Variants in CADPS observed in about 807,000 individuals in gnomAD.
The protein encoded by CADPS is calcium-dependent secretion activator 1.
In CADPS, 57 loss-of-function variants were observed where a neutral mutation model predicts 167.3. The observed-to-expected ratio is 0.34, with a 90% CI of 0.28 to 0.42. The LOEUF is 0.42. Ranked by LOEUF, CADPS falls within the 20% of genes least tolerant of loss-of-function variation. CADPS has a pLI of 1.00. For missense variants in CADPS, 1,414 were observed against 1,738.1 expected, an observed-to-expected ratio of 0.81 and a Z score of 3.32; for synonymous variants, 676 against 635.3, an observed-to-expected ratio of 1.06 and a Z score of -0.96.
Position 62,520,622 on chromosome 3 carries a change from C to T in CADPS, c.2292-2372G>A, listed in dbSNP as rs567099269. ...CTAACTTTACTAAGTCTGTAAGGTA[C>T]AAGTACAGAGTTCACCAATAAAAAC... On this transcript the variant is annotated intron_variant, in intron 13 of 29. Transcript: ENST00000383710. 2.0e-5 allele frequency among the ~76,000 whole-genome samples: 3 copies of T among 152,252 alleles called. No homozygotes were observed. The South Asian group carries it at 6.2e-4, about 32-fold the overall frequency.
intron 3 of CADPS, among the ~76,000 whole-genome samples, chr3:62,740,648 T>C (rs184566212): frequency 6.6e-6 from 1 of 152,304 alleles, no homozygotes; most frequent in Admixed American, 6.5e-5. Context: ...CATTGTTATC[T>C]GATAGCTCTA....
chr3:62,833,538 T>G (rs1198409360), intron 1 of CADPS, among the ~76,000 whole-genome samples: 2 of 152,084 alleles, frequency 1.3e-5, no homozygotes. Context: ...TTATGGCTAC[T>G]GGTACCTTTT....
At position 62,399,073 on chromosome 3, in the gene CADPS, C is replaced by T; in HGVS notation, c.*333G>A. 1 of 185,080 alleles carries T rather than the reference C, an allele frequency of 5.4e-6. No individual in the cohort carries two copies. The highest frequency in any genetic ancestry group is 1.1e-5 in the Non-Finnish European group (1 of 88,882). The allele number at this position is 185,080 out of a possible 1,614,324, so 11.5% of individuals were successfully genotyped here. ...TGTACTTGCCCTCACATCCATTTACCACCAATGCATACATAGTACATGAAT... is the reference window on the plus strand; with the variant it reads ...TGTACTTGCCCTCACATCCATTTACTACCAATGCATACATAGTACATGAAT... On this transcript the variant is annotated 3_prime_UTR_variant, in exon 30 of 30. Coordinates refer to ENST00000383710, the MANE Select transcript of CADPS (RefSeq NM_003716.4). This position sits in a 1 kb window ranked among gnomAD's most constrained non-coding sequence, Gnocchi z 5.6.
intron 11 of CADPS, among the ~76,000 whole-genome samples, chr3:62,541,252 G>A (rs905532486): frequency 3.3e-5 from 5 of 152,142 alleles, no homozygotes; most frequent in Non-Finnish European, 7.4e-5. Flanking sequence ...TGGTCTTCAA[G>A]GGCTCCAGAT....
chr3:62,745,352 C>T lies in CADPS; in HGVS notation c.888+8089G>A, dbSNP rs962232753. Among the ~76,000 whole-genome samples the T allele has an allele frequency of 3.3e-5, 5 of 152,266 alleles. No homozygotes were observed. The East Asian group carries it at 7.7e-4, about 23-fold the overall frequency. ...GCTCCCAAAGTGCTGGCATTACAGACGTGAGCCACTACATCTGGCCAGTAT... is the reference window on the plus strand; with the variant it reads ...GCTCCCAAAGTGCTGGCATTACAGATGTGAGCCACTACATCTGGCCAGTAT... On this transcript the variant is annotated intron_variant, in intron 3 of 29. Transcript: ENST00000383710.
chr3:62,415,793 G>C (rs765500760), intron 28 of CADPS, among the ~76,000 whole-genome samples: 2 of 152,170 alleles, frequency 1.3e-5, no homozygotes, highest in East Asian at 1.9e-4. Flanking sequence ...CAATAGGCAC[G>C]GAGTGATTAT....
Position 62,550,078 on chromosome 3 carries a change from C to A in CADPS, c.1791G>T (p.Lys597Asn). Residue 597 changes from lysine to asparagine, a missense_variant, in exon 11 of 30, where the codon AAG (lysine) becomes AAT (asparagine). Physicochemically the swap from Lys to Asn is moderately conservative, Grantham distance 94. This residue lies in a region of CADPS where 157 missense variants were observed against 229.4 expected (regional missense o/e 0.68). Coordinates refer to ENST00000383710, the MANE Select transcript of CADPS (RefSeq NM_003716.4). ...TGGCAAATATCACGGTGTCTCCCTCCTTGACAGCATTGAAGAAGGCTCGGC... is the reference window on the plus strand; with the variant it reads ...TGGCAAATATCACGGTGTCTCCCTCATTGACAGCATTGAAGAAGGCTCGGC... ...EGGRAFFNAV[K>N]EGDTVIFASD... 6.2e-7 allele frequency: 1 copy of A among 1,614,066 alleles called. No individual in the cohort carries two copies. Among genetic ancestry groups the A allele is most frequent in the African/African-American group, 1.3e-5 (1 of 75,028 alleles).
intron 6 of CADPS, among the ~76,000 whole-genome samples, chr3:62,636,145 A>C (rs1311387330): frequency 6.6e-6 from 1 of 152,178 alleles, no homozygotes; most frequent in Non-Finnish European, 1.5e-5. Flanking sequence ...GCATATGTTA[A>C]ATTTGAAATG....
chr3:62,694,020 C>T (rs1316067014), intron 3 of CADPS, among the ~76,000 whole-genome samples: 8 of 151,942 alleles, frequency 5.3e-5, no homozygotes, highest in African/African-American at 1.9e-4. Context: ...TGTCAATAAG[C>T]CTCTTTATCT....
At chr3:62,813,505 A>C (rs1186308934) in intron 1 of CADPS, among the ~76,000 whole-genome samples, 1 of 152,132 alleles carries the variant, frequency 6.6e-6, no homozygotes, top group Non-Finnish European at 1.5e-5. Context: ...TAAAATTATT[A>C]AAATCATAGA....
At chr3:62,510,100 C>G (rs149721263) in intron 17 of CADPS, among the ~76,000 whole-genome samples, 3,668 of 152,168 alleles carry the variant, frequency 0.024, 57 homozygotes, top group Middle Eastern at 0.054. Context: ...ACCTACCCAT[C>G]ATTCATCCAT....
intron 4 of CADPS, among the ~76,000 whole-genome samples, chr3:62,654,081 A>G (rs2070914646): frequency 6.6e-6 from 1 of 152,168 alleles, no homozygotes; most frequent in African/African-American, 2.4e-5. Flanking sequence ...TGGCCTTGAA[A>G]TTTTGTCATT....
At position 62,411,699 on chromosome 3, in the gene CADPS, C is replaced by G. The variant is rs983075187; in HGVS notation, c.3778-8514G>C. On this transcript the variant is annotated intron_variant, in intron 28 of 29. Transcript: ENST00000383710. Reference sequence around the variant, plus strand: ...CGGGGATCTGGTTGTATTTGGTGTTCTAATCAAAGATTCACAGAGGGTCTG... The same window carrying G: ...CGGGGATCTGGTTGTATTTGGTGTTGTAATCAAAGATTCACAGAGGGTCTG... 2.6e-5 allele frequency among the ~76,000 whole-genome samples: 4 copies of G among 152,146 alleles called. No individual in the cohort carries two copies. In the South Asian group the frequency reaches 8.3e-4, roughly 32 times the overall value.
intron 3 of CADPS, among the ~76,000 whole-genome samples, chr3:62,746,242 G>A (rs505014): frequency 0.56 from 84,637 of 151,978 alleles, 24,786 homozygotes; most frequent in African/African-American, 0.72. Flanking sequence ...ACAAGAATGA[G>A]GAGATTTTAC....
At chr3:62,579,635 G>A (rs1223255437) in intron 8 of CADPS, among the ~76,000 whole-genome samples, 1 of 152,094 alleles carries the variant, frequency 6.6e-6, no homozygotes, top group East Asian at 1.9e-4. Flanking sequence ...GTCTTGAGAT[G>A]GGGGTGTACT....
intron 28 of CADPS, among the ~76,000 whole-genome samples, chr3:62,413,723 C>T (rs1165344144): frequency 2.0e-5 from 3 of 152,016 alleles, no homozygotes; most frequent in East Asian, 3.9e-4. Flanking sequence ...GAACTGTACA[C>T]TTAGAGATGG....
chr3:62,718,299 T>A (rs1047186999), intron 3 of CADPS, among the ~76,000 whole-genome samples: 10 of 152,200 alleles, frequency 6.6e-5, no homozygotes, highest in Non-Finnish European at 4.4e-5. Flanking sequence ...AATGAATGAA[T>A]ACATTTTTTT....
intron 3 of CADPS, among the ~76,000 whole-genome samples, chr3:62,720,904 G>A (rs1270693632): frequency 3.4e-5 from 5 of 146,800 alleles, no homozygotes; most frequent in Non-Finnish European, 6.0e-5. Context: ...TGCAAGCTCC[G>A]CCTCCCAGGT....
At chr3:62,785,639 G>C (rs574558771) in intron 1 of CADPS, among the ~76,000 whole-genome samples, 27 of 152,276 alleles carry the variant, frequency 1.8e-4, no homozygotes, top group Admixed American at 1.4e-3. Context: ...AAGAAAGTAA[G>C]CACAGTGAGT....
Sources: allele counts gnomAD v4.1 joint callset (sites outside exome capture counted in the v4.1 genomes callset), GRCh38; gene constraint gnomAD v4.1.1; regional missense constraint gnomAD v4.1.1; non-coding constraint Gnocchi (gnomAD v3.1); transcripts MANE v1.5; gene names NCBI Gene and HGNC (gene_info 2026-07-23, HGNC 2026-07-21).